Variants in EYS observed in about 807,000 individuals in gnomAD.
EYS encodes the protein EGF-like photoreceptor maintenance factor.
A neutral mutation model predicts 282.1 loss-of-function variants in EYS; 250 were observed. The ratio of observed to expected loss-of-function variants is 0.89; its 90% CI spans 0.80 to 0.98. EYS has a LOEUF of 0.98. EYS is among the 50% of genes least tolerant of loss of function. The pLI is 0.00. For synonymous variants in EYS, 1,355 were observed against 1,282.9 expected (o/e 1.06, Z -1.20); for missense variants, 4,016 against 3,709.0 (o/e 1.08, Z -2.15).
intron 41 of EYS, among the ~76,000 whole-genome samples, chr6:63,746,378 A>G (rs868629709): frequency 6.6e-6 from 1 of 152,144 alleles, no homozygotes; most frequent in Non-Finnish European, 1.5e-5. Context: ...TATTGGTCTA[A>G]AATTCTCTTT....
intron 24 of EYS, among the ~76,000 whole-genome samples, chr6:64,611,414 T>C (rs934129612): frequency 6.6e-6 from 1 of 152,192 alleles, no homozygotes; most frequent in South Asian, 2.1e-4. Context: ...TGCTTTATTA[T>C]TTTTTAATAT....
intron 27 of EYS, 99 bp downstream of exon 27, chr6:64,439,063 T>C (rs1165177280): frequency 1.1e-5 from 7 of 622,994 alleles, no homozygotes; most frequent in Non-Finnish European, 1.8e-5. Flanking sequence ...GTATAATATA[T>C]AGAGTTAAGT....
At chr6:64,089,189 C>T (rs754086116) in intron 31 of EYS, among the ~76,000 whole-genome samples, 1 of 151,578 alleles carries the variant, frequency 6.6e-6, no homozygotes, top group Admixed American at 6.6e-5. Flanking sequence ...ATTACATTTT[C>T]CACTTATGAG....
intron 13 of EYS, among the ~76,000 whole-genome samples, chr6:65,019,291 A>G (rs1003082555): frequency 2.0e-5 from 3 of 152,172 alleles, no homozygotes; most frequent in African/African-American, 7.2e-5. Context: ...ATTGAACATT[A>G]TATCTCTTAA....
intron 12 of EYS, among the ~76,000 whole-genome samples, chr6:65,248,461 TC>T (rs1474637187): frequency 1.3e-5 from 2 of 152,014 alleles, no homozygotes; most frequent in Non-Finnish European, 2.9e-5. Context: ...TGTCATATTT[TC>T]CCCACAGTGA....
At chr6:64,595,207 T>C (rs1766545130) in intron 24 of EYS, among the ~76,000 whole-genome samples, 1 of 152,182 alleles carries the variant, frequency 6.6e-6, no homozygotes, top group African/African-American at 2.4e-5. Context: ...AGTATCTCAA[T>C]AGATGCAGAA....
At chr6:64,697,736 G>A (rs907548176) in intron 22 of EYS, among the ~76,000 whole-genome samples, 17 of 152,046 alleles carry the variant, frequency 1.1e-4, no homozygotes, top group Admixed American at 9.2e-4. Flanking sequence ...GAGGTCAAGA[G>A]ATTGAGACCA....
At chr6:65,093,578 G>C (rs1461550276) in intron 12 of EYS, among the ~76,000 whole-genome samples, 1 of 151,782 alleles carries the variant, frequency 6.6e-6, no homozygotes, top group African/African-American at 2.4e-5. Context: ...GCTTAAAATA[G>C]ACTGCTGTAA....
intron 12 of EYS, among the ~76,000 whole-genome samples, chr6:65,210,227 G>A (rs544102459): frequency 3.7e-4 from 57 of 152,054 alleles, no homozygotes; most frequent in East Asian, 1.4e-3. Flanking sequence ...ATGCGAATGC[G>A]TAATATGCTA....
At chr6:65,564,607 T>C (rs1255763502) in intron 2 of EYS, among the ~76,000 whole-genome samples, 2 of 152,086 alleles carry the variant, frequency 1.3e-5, no homozygotes, top group African/African-American at 4.8e-5. Flanking sequence ...TCCTTACACC[T>C]TATACAAAAA....
chr6:63,909,431 G>A lies in EYS; in HGVS notation c.7056-45073C>T, dbSNP rs555413637. Among the ~76,000 whole-genome samples, 98 of 152,248 alleles carry A rather than the reference G, an allele frequency of 6.4e-4. 1 individual carries two copies. The South Asian group carries it at 0.019, about 30-fold the overall frequency. Reference sequence around the variant, plus strand: ...AATCTACCGACATATATTTCTGACTGGATAATTTGGCTAATACATTCATCA... The same window carrying A: ...AATCTACCGACATATATTTCTGACTAGATAATTTGGCTAATACATTCATCA... On this transcript the variant is annotated intron_variant, in intron 35 of 42. Transcript: ENST00000503581.
At chr6:64,237,003 G>C (rs1267620951) in intron 30 of EYS, among the ~76,000 whole-genome samples, 1 of 151,946 alleles carries the variant, frequency 6.6e-6, no homozygotes, top group Admixed American at 6.6e-5. Flanking sequence ...ACTCTTATAA[G>C]TAGTATGTAC....
At chr6:64,341,199 C>T (rs149821876) in intron 29 of EYS, among the ~76,000 whole-genome samples, 62 of 151,928 alleles carry the variant, frequency 4.1e-4, no homozygotes, top group African/African-American at 1.4e-3. Flanking sequence ...AATCCCATTA[C>T]TGGCCATATA....
At chr6:65,050,198 A>G (rs1195718720) in intron 13 of EYS, among the ~76,000 whole-genome samples, 1 of 151,662 alleles carries the variant, frequency 6.6e-6, no homozygotes, top group African/African-American at 2.4e-5. Flanking sequence ...AAATATTCAC[A>G]TCTTTCACTC....
At chr6:65,582,028 A>AT (rs1764889330) in intron 2 of EYS, among the ~76,000 whole-genome samples, 2 of 151,490 alleles carry the variant, frequency 1.3e-5, no homozygotes, top group African/African-American at 4.8e-5. Context: ...TTTCTACTAA[A>AT]AATATATATA....
intron 19 of EYS, among the ~76,000 whole-genome samples, chr6:64,868,032 C>T (rs567203360): frequency 3.6e-4 from 54 of 151,088 alleles, no homozygotes; most frequent in Admixed American, 1.4e-3. Flanking sequence ...ATGGATTGTT[C>T]GAATACTCAT....
chr6:65,436,252 G>A (rs1483894162), intron 5 of EYS, among the ~76,000 whole-genome samples: 1 of 152,082 alleles, frequency 6.6e-6, no homozygotes, highest in Non-Finnish European at 1.5e-5. Flanking sequence ...AAATGCCAGA[G>A]CATTTGGAAT....
intron 1 of EYS, among the ~76,000 whole-genome samples, chr6:65,696,830 T>C (rs1034131210): frequency 1.3e-5 from 2 of 152,024 alleles, no homozygotes; most frequent in African/African-American, 4.8e-5. Context: ...AAAATATTTC[T>C]AAAGAAAATT....
intron 35 of EYS, among the ~76,000 whole-genome samples, chr6:63,965,217 G>A (rs1268487451): frequency 2.6e-5 from 4 of 152,070 alleles, no homozygotes; most frequent in East Asian, 3.9e-4. Context: ...GTGTAAGATC[G>A]ATAATTCTTA....
Sources: gnomAD v4.1 joint callset for allele counts (sites outside exome capture counted in the v4.1 genomes callset) on GRCh38, gnomAD v4.1.1 for gene constraint, MANE v1.5 for transcripts, NCBI Gene and HGNC (gene_info 2026-07-23, HGNC 2026-07-21) for gene names.